COP1: variants seen among roughly 807,000 people sequenced by gnomAD.
The protein encoded by COP1 is COP1 E3 ubiquitin ligase, also known as E3 ubiquitin-protein ligase COP1.
Under a neutral mutation model 101.3 loss-of-function variants are expected in COP1, and 24 were observed. The ratio of observed to expected loss-of-function variants is 0.24; its 90% CI spans 0.17 to 0.33. The LOEUF (loss-of-function observed/expected upper bound fraction) is 0.33. COP1 is among the 10% of genes least tolerant of loss of function. COP1 has a pLI of 1.00. For synonymous variants in COP1, 347 were observed against 341.9 expected (o/e 1.01, Z -0.17); for missense variants, 663 against 906.2 (o/e 0.73, Z 3.45).
intron 15 of COP1, among the ~76,000 whole-genome samples, chr1:176,016,163 A>G (rs1429833893): frequency 6.6e-6 from 1 of 152,170 alleles, no homozygotes; most frequent in East Asian, 1.9e-4. Context: ...TTTTTAGCTA[A>G]GAGTGGAATT....
chr1:176,180,577 T>C (rs1236294363), intron 2 of COP1, among the ~76,000 whole-genome samples: 1 of 152,232 alleles, frequency 6.6e-6, no homozygotes, highest in Non-Finnish European at 1.5e-5. Flanking sequence ...TGTGTACCTA[T>C]TTCCTCTATT....
chr1:175,945,260 A>G, intron 19 of COP1, 90 bp from the exon 20 acceptor site: 1 of 946,488 alleles, frequency 1.1e-6, no homozygotes, highest in Non-Finnish European at 1.6e-6. Context: ...ACCAATAGAA[A>G]AGCAAATTTA....
intron 9 of COP1, among the ~76,000 whole-genome samples, chr1:176,098,412 T>C (rs1158409202): frequency 6.6e-6 from 1 of 152,158 alleles, no homozygotes; most frequent in Non-Finnish European, 1.5e-5. Flanking sequence ...GGTCTAAGGA[T>C]TGTTCTGAAT....
chr1:176,020,428 C>G (rs1308819356), intron 15 of COP1, among the ~76,000 whole-genome samples: 1 of 151,946 alleles, frequency 6.6e-6, no homozygotes, highest in Non-Finnish European at 1.5e-5. Flanking sequence ...TGGCTCACAC[C>G]AGCACTTTGG....
At chr1:176,112,615 A>C (rs1221586657) in intron 9 of COP1, among the ~76,000 whole-genome samples, 2 of 152,346 alleles carry the variant, frequency 1.3e-5, no homozygotes, top group East Asian at 3.9e-4. Flanking sequence ...TAAAGTAATA[A>C]CTATAATTTC....
rs182038080 is a variant in COP1, at chr1:176,075,563, T to A, written c.1277+5589A>T. On this transcript the variant is annotated intron_variant, in intron 11 of 19. Coordinates refer to ENST00000367669, the MANE Select transcript of COP1 (RefSeq NM_022457.7). ...GCTTAGATGTGATACAGCCCTGTGG[T>A]TTAACAATGTCCATTTTAAGAGATG... Among the ~76,000 whole-genome samples, 20 of 152,296 alleles carry A rather than the reference T, an allele frequency of 1.3e-4. 1 individual carries two copies. The East Asian group carries it at 3.7e-3, about 28-fold the overall frequency.
At chr1:176,192,308 T>C (rs1699193183) in intron 1 of COP1, among the ~76,000 whole-genome samples, 1 of 152,112 alleles carries the variant, frequency 6.6e-6, no homozygotes, top group African/African-American at 2.4e-5. Context: ...TCTTGTGTAG[T>C]TATAAGTTAG....
intron 18 of COP1, among the ~76,000 whole-genome samples, chr1:175,948,899 T>A (rs2148481035): frequency 6.7e-6 from 1 of 149,326 alleles, no homozygotes; most frequent in South Asian, 2.1e-4. Flanking sequence ...GCGCAGTGGC[T>A]CACACCTGTA....
intron 6 of COP1, among the ~76,000 whole-genome samples, chr1:176,143,884 T>C (rs1369860860): frequency 3.3e-5 from 5 of 152,104 alleles, no homozygotes; most frequent in African/African-American, 9.7e-5. Context: ...TGCACAAAAA[T>C]TCTGGAGACT....
At chr1:176,119,030 A>G (rs1257571919) in intron 8 of COP1, among the ~76,000 whole-genome samples, 2 of 152,234 alleles carry the variant, frequency 1.3e-5, no homozygotes, top group Non-Finnish European at 2.9e-5. Flanking sequence ...CTCAATTATA[A>G]AAGAGCCTTT....
intron 9 of COP1, among the ~76,000 whole-genome samples, chr1:176,101,998 C>T (rs1001987764): frequency 6.6e-6 from 1 of 152,162 alleles, no homozygotes; most frequent in Non-Finnish European, 1.5e-5. Flanking sequence ...GGCAAAACCC[C>T]TCCTTCAAGC....
chr1:176,169,344 A>ATAC (rs1298388095), intron 3 of COP1, among the ~76,000 whole-genome samples: 1 of 152,204 alleles, frequency 6.6e-6, no homozygotes, highest in Non-Finnish European at 1.5e-5. Context: ...GATCAATTGT[A>ATAC]TACTACTACT....
intron 18 of COP1, among the ~76,000 whole-genome samples, chr1:175,962,272 A>C (rs1024935640): frequency 2.0e-5 from 3 of 152,104 alleles, no homozygotes; most frequent in Admixed American, 6.5e-5. Context: ...GAAAGAGAGG[A>C]ATTCCCTGTA....
At chr1:176,166,239 A>G (rs1235615195) in intron 3 of COP1, among the ~76,000 whole-genome samples, 1 of 152,092 alleles carries the variant, frequency 6.6e-6, no homozygotes. Context: ...CCATCCTCCC[A>G]TCTCAGCCTT....
chr1:176,058,842 C>G (rs12033847), intron 11 of COP1, among the ~76,000 whole-genome samples: 1 of 137,358 alleles, frequency 7.3e-6, no homozygotes, highest in African/African-American at 2.5e-5. Context: ...TGTGGTAACA[C>G]GCCTCCTCAG....
chr1:176,027,720 G>A (rs1462492790), intron 14 of COP1, 32 bp from the exon 15 acceptor site: 2 of 1,298,694 alleles, frequency 1.5e-6, no homozygotes, highest in African/African-American at 2.9e-5. Context: ...AACAAAAAGA[G>A]AAACAAGTAA....
intron 11 of COP1, among the ~76,000 whole-genome samples, chr1:176,063,444 G>C (rs1675345472): frequency 6.6e-6 from 1 of 152,178 alleles, no homozygotes; most frequent in Non-Finnish European, 1.5e-5. Flanking sequence ...TTATACTTCA[G>C]TAAAGGTGAT....
intron 2 of COP1, among the ~76,000 whole-genome samples, chr1:176,181,755 C>G (rs1033477667): frequency 2.0e-5 from 3 of 151,778 alleles, no homozygotes; most frequent in Admixed American, 2.0e-4. Flanking sequence ...GCAGGAGAAT[C>G]GCTGGAATAT....
At chr1:176,181,237 T>A (rs1697701431) in intron 2 of COP1, among the ~76,000 whole-genome samples, 1 of 152,102 alleles carries the variant, frequency 6.6e-6, no homozygotes, top group Non-Finnish European at 1.5e-5. Flanking sequence ...GCTGATGTGG[T>A]CCAATTTGAT....
Sources: allele counts gnomAD v4.1 joint callset (sites outside exome capture counted in the v4.1 genomes callset), GRCh38; gene constraint gnomAD v4.1.1; transcripts MANE v1.5; gene names NCBI Gene and HGNC (gene_info 2026-07-23, HGNC 2026-07-21).